CHCHD3: variants seen among roughly 807,000 people sequenced by gnomAD.
CHCHD3 encodes the protein MICOS complex subunit MIC19.
CHCHD3 carries 20 observed loss-of-function variants against 38.2 expected under a neutral mutation model. The observed-to-expected ratio is 0.52, with a 90% CI of 0.37 to 0.76. The LOEUF is 0.76. Among genes scored for constraint, CHCHD3 ranks in the 30% least tolerant of loss-of-function variants. CHCHD3 has a pLI of 0.00. For synonymous variants in CHCHD3, 82 were observed against 100.0 expected (o/e 0.82, Z 1.07); for missense variants, 245 against 279.2 (o/e 0.88, Z 0.87).
chr7:132,862,926 A>C (rs1808531231), intron 5 of CHCHD3, among the ~76,000 whole-genome samples: 1 of 152,174 alleles, frequency 6.6e-6, no homozygotes, highest in Non-Finnish European at 1.5e-5. Context: ...TTTGGGCTCC[A>C]CTTCTAATTC....
chr7:132,786,503 G>A (rs1157095134), intron 7 of CHCHD3, among the ~76,000 whole-genome samples: 1 of 152,180 alleles, frequency 6.6e-6, no homozygotes, highest in Non-Finnish European at 1.5e-5. Context: ...ACTATCAGAT[G>A]AGAACTCTAT....
chr7:132,840,843 G>A (rs537561526), intron 5 of CHCHD3, among the ~76,000 whole-genome samples: 33 of 152,044 alleles, frequency 2.2e-4, no homozygotes, highest in Non-Finnish European at 4.7e-4. Flanking sequence ...GCTTTGCCAT[G>A]CCAAATGCAG....
At chr7:132,837,599 T>C (rs1295140691) in intron 6 of CHCHD3, among the ~76,000 whole-genome samples, 1 of 152,226 alleles carries the variant, frequency 6.6e-6, no homozygotes, top group Admixed American at 6.5e-5. Flanking sequence ...AATTCCACCT[T>C]AGGGTTTAAT....
rs928253766 is a variant in CHCHD3, at chr7:133,058,529, A to G, written c.169+11613T>C. ...AACCTAGCTGGTTGCATAACAAAAC[A>G]ATGTTTTTGGGGGAGCTGTTGACCT... On this transcript the variant is annotated intron_variant, in intron 2 of 7. Transcript: ENST00000262570. 5.5e-4 allele frequency among the ~76,000 whole-genome samples: 83 copies of G among 152,242 alleles called. 1 individual carries two copies. The highest frequency in any genetic ancestry group is 1.0e-4 in the Non-Finnish European group (7 of 68,042).
At chr7:132,871,418 G>A (rs922462427) in intron 5 of CHCHD3, among the ~76,000 whole-genome samples, 4 of 152,174 alleles carry the variant, frequency 2.6e-5, no homozygotes, top group African/African-American at 4.8e-5. Flanking sequence ...TACACCATGA[G>A]AGAATAGACA....
chr7:132,988,949 A>G (rs1812198075), intron 3 of CHCHD3, among the ~76,000 whole-genome samples: 1 of 152,188 alleles, frequency 6.6e-6, no homozygotes, highest in Non-Finnish European at 1.5e-5. Context: ...AAAAAATAGT[A>G]ACACAATTTT....
At chr7:132,845,393 G>A (rs1396769826) in intron 5 of CHCHD3, among the ~76,000 whole-genome samples, 1 of 152,122 alleles carries the variant, frequency 6.6e-6, no homozygotes, top group Non-Finnish European at 1.5e-5. Flanking sequence ...TAAAACAAAA[G>A]CCTATTCTTC....
chr7:132,851,241 A>G (rs1808212366), intron 5 of CHCHD3, among the ~76,000 whole-genome samples: 1 of 152,174 alleles, frequency 6.6e-6, no homozygotes, highest in Non-Finnish European at 1.5e-5. Context: ...TAGCCTGGGC[A>G]TGTATAATTT....
intron 2 of CHCHD3, among the ~76,000 whole-genome samples, chr7:133,055,218 CAT>C (rs1320505501): frequency 6.8e-6 from 1 of 147,500 alleles, no homozygotes; most frequent in South Asian, 2.1e-4. Flanking sequence ...AAAATATACA[CAT>C]ATAATTTTGC....
chr7:133,061,835 T>C (rs919873703), intron 2 of CHCHD3, among the ~76,000 whole-genome samples: 2 of 152,202 alleles, frequency 1.3e-5, no homozygotes, highest in East Asian at 1.9e-4. Context: ...GTGATAAAGT[T>C]TGGAGATCCT....
chr7:132,883,011 G>T (rs1809106242), intron 5 of CHCHD3, among the ~76,000 whole-genome samples: 1 of 149,996 alleles, frequency 6.7e-6, no homozygotes, highest in South Asian at 2.1e-4. Context: ...AGATCTGATG[G>T]TTTAAAAGTA....
chr7:132,976,626 A>G (rs571993887), intron 3 of CHCHD3, among the ~76,000 whole-genome samples: 12 of 152,308 alleles, frequency 7.9e-5, no homozygotes, highest in Admixed American at 5.2e-4. Flanking sequence ...GCTATGCTTT[A>G]AAAAGGAAAA....
Position 132,975,161 on chromosome 7 carries a change from A to C in CHCHD3, c.369+8T>G. On this transcript the variant is annotated splice_region_variant and intron_variant, in intron 4 of 7. Coordinates refer to ENST00000262570, the MANE Select transcript of CHCHD3 (RefSeq NM_017812.4). ...CAAGAAAATTTCTCCTACATTTTTAATACTCACCAGGTGCTTTGCCTTAGC... is the reference window on the plus strand; with the variant it reads ...CAAGAAAATTTCTCCTACATTTTTACTACTCACCAGGTGCTTTGCCTTAGC... 1 of 1,607,654 alleles carries C rather than the reference A, an allele frequency of 6.2e-7. No homozygotes were observed. Among genetic ancestry groups the C allele is most frequent in the South Asian group, 1.1e-5 (1 of 90,806 alleles).
chr7:132,981,854 C>A (rs1477141175), intron 3 of CHCHD3, among the ~76,000 whole-genome samples: 1 of 152,122 alleles, frequency 6.6e-6, no homozygotes, highest in Non-Finnish European at 1.5e-5. Flanking sequence ...AATGACTTAT[C>A]TAAAGTTGAA....
At chr7:132,968,803 AT>A (rs1391094285) in intron 4 of CHCHD3, among the ~76,000 whole-genome samples, 1 of 152,236 alleles carries the variant, frequency 6.6e-6, no homozygotes, top group African/African-American at 2.4e-5. Context: ...CATGTCGATC[AT>A]TTCAAAATTA....
At chr7:132,977,367 C>T (rs1811794341) in intron 3 of CHCHD3, among the ~76,000 whole-genome samples, 1 of 152,208 alleles carries the variant, frequency 6.6e-6, no homozygotes, top group Non-Finnish European at 1.5e-5. Flanking sequence ...TTTAAGACTA[C>T]AGCCCTTAAT....
intron 3 of CHCHD3, among the ~76,000 whole-genome samples, chr7:133,000,021 A>C (rs1812522932): frequency 1.3e-5 from 2 of 152,188 alleles, no homozygotes; most frequent in African/African-American, 2.4e-5. Context: ...TACTAAATTC[A>C]CCTATCTCAC....
chr7:132,847,991 C>T (rs1350751107), intron 5 of CHCHD3, among the ~76,000 whole-genome samples: 1 of 152,134 alleles, frequency 6.6e-6, no homozygotes, highest in Non-Finnish European at 1.5e-5. Context: ...AAGACGATTG[C>T]CTGTCCGTTC....
intron 6 of CHCHD3, among the ~76,000 whole-genome samples, chr7:132,836,327 C>T (rs1165191727): frequency 6.6e-6 from 1 of 152,072 alleles, no homozygotes; most frequent in Non-Finnish European, 1.5e-5. Context: ...GCCACGTTGC[C>T]CAGGCTGATC....
Sources: allele counts gnomAD v4.1 joint callset (sites outside exome capture counted in the v4.1 genomes callset), GRCh38; gene constraint gnomAD v4.1.1; transcripts MANE v1.5; gene names NCBI Gene and HGNC (gene_info 2026-07-23, HGNC 2026-07-21).